Variants in SLC12A1 observed in about 807,000 individuals in gnomAD.
SLC12A1 encodes Na-K-2Cl cotransporter.
SLC12A1 carries 89 observed loss-of-function variants against 130.4 expected under a neutral mutation model. That is an observed-to-expected ratio of 0.68 (90% CI 0.58 to 0.81). The LOEUF (loss-of-function observed/expected upper bound fraction) is 0.81. Ranked by LOEUF, SLC12A1 falls within the 40% of genes least tolerant of loss-of-function variation. The probability of loss-of-function intolerance (pLI) is 0.00; values close to 1 mark genes in which losing one functional copy is unlikely to be tolerated. For missense variants in SLC12A1, 1,310 were observed against 1,336.4 expected, an observed-to-expected ratio of 0.98 and a Z score of 0.31; for synonymous variants, 499 against 460.0, an observed-to-expected ratio of 1.08 and a Z score of -1.09.
At chr15:48,248,584 G>GCATTTGCATCATTGCAT (rs1168430148) in intron 13 of SLC12A1, among the ~76,000 whole-genome samples, 3 of 152,274 alleles carry the variant, frequency 2.0e-5, no homozygotes, top group East Asian at 1.9e-4. Context: ...CCAGCTGCCT[G>GCATTTGCATCATTGCAT]CATTTGCATC....
In SLC12A1 at chr15:48,208,017, AC is replaced by A. The variant is rs1166383672; in HGVS notation, c.299del (p.Thr100IlefsTer13). ...DSHTNTYYLQTFGHNTMDAVP... is the reference protein window; with the variant it reads ...DSHTNTYYLQXFGHNTMDAVP... ...TCACACAAACACATACTATCTACAAACTTTTGGCCACAACACCATGGATGCC... is the reference window on the plus strand; with the variant it reads ...TCACACAAACACATACTATCTACAAATTTTGGCCACAACACCATGGATGCC... On this transcript the variant is annotated frameshift_variant, in exon 2 of 27. Coordinates refer to ENST00000380993, the MANE Select transcript of SLC12A1 (RefSeq NM_000338.3). LOFTEE classifies it high-confidence loss of function. The A allele has an allele frequency of 1.2e-6, 2 of 1,613,772 alleles. No homozygotes were observed. The highest frequency in any genetic ancestry group is 8.5e-7 in the Non-Finnish European group (1 of 1,179,876).
intron 25 of SLC12A1, among the ~76,000 whole-genome samples, chr15:48,299,986 T>G (rs954846560): frequency 1.3e-4 from 20 of 152,218 alleles, no homozygotes; most frequent in African/African-American, 4.8e-4. Flanking sequence ...ACTCAAGCGC[T>G]GCTAATCTCA....
intron 17 of SLC12A1, among the ~76,000 whole-genome samples, chr15:48,261,134 G>A (rs1276871983): frequency 6.6e-6 from 1 of 152,144 alleles, no homozygotes; most frequent in African/African-American, 2.4e-5. Flanking sequence ...ATAGGAGCCA[G>A]TTTTGATGAA....
Position 48,239,515 on chromosome 15 carries a change from AAAAT to A in SLC12A1, c.1216-1969_1216-1966del, listed in dbSNP as rs10530478. On this transcript the variant is annotated intron_variant, in intron 9 of 26. Coordinates refer to ENST00000380993, the MANE Select transcript of SLC12A1 (RefSeq NM_000338.3). ...GGGCAACAGAACAAGAACCCATCTCAAAATAAATAAATAAATAAATAAATAAATA... is the reference window on the plus strand; with the variant it reads ...GGGCAACAGAACAAGAACCCATCTCAAAATAAATAAATAAATAAATAAATA... 3.3e-3 allele frequency among the ~76,000 whole-genome samples: 472 copies of A among 143,716 alleles called. 2 individuals carry two copies. The highest frequency in any genetic ancestry group is 0.011 in the South Asian group (48 of 4,396). The allele number at this position is 143,716 out of a possible 152,430, so 94.3% of individuals were successfully genotyped here. A position where few individuals can be genotyped will look rare whatever the true frequency, so the allele number is the denominator to read the frequency against.
intron 23 of SLC12A1, among the ~76,000 whole-genome samples, chr15:48,290,575 C>T (rs563775889): frequency 1.3e-4 from 20 of 152,188 alleles, no homozygotes; most frequent in East Asian, 1.2e-3. Flanking sequence ...TGTGCTATGC[C>T]GTTACAACAG....
intron 18 of SLC12A1, 137 bp from the exon 19 acceptor site, chr15:48,269,521 A>G: frequency 3.9e-6 from 2 of 506,870 alleles, no homozygotes; most frequent in Non-Finnish European, 3.6e-6. Flanking sequence ...GGCATGAAGG[A>G]CATGCACTAA....
Position 48,267,651 on chromosome 15 carries a change from G to A in SLC12A1, c.2245G>A (p.Ala749Thr). The A allele has an allele frequency of 6.2e-7, 1 of 1,613,612 alleles. No homozygotes were observed. Among genetic ancestry groups the A allele is most frequent in the Non-Finnish European group, 8.5e-7 (1 of 1,179,622 alleles). The change falls in exon 18 of 27, where the codon GCT (alanine) becomes ACT (threonine). Residue 749 changes from alanine (A) to threonine (T), a missense_variant. Physicochemically the swap from Ala to Thr is moderately conservative, Grantham distance 58. Coordinates refer to ENST00000380993, the MANE Select transcript of SLC12A1 (RefSeq NM_000338.3). ...AAAGAACAAAATCAAGGCTTTTTAT[G>A]CTGCAGTGGCGGCAGACTGTTTCAG... ...LIKNKIKAFY[A>T]AVAADCFRDG...
chr15:48,271,648 A>G (rs185462682), intron 19 of SLC12A1, among the ~76,000 whole-genome samples: 3 of 152,336 alleles, frequency 2.0e-5, no homozygotes, highest in African/African-American at 7.2e-5. Flanking sequence ...CAGTCTTTCT[A>G]ATGTGAGGAA....
chr15:48,295,472 C>G (rs561522075), intron 24 of SLC12A1, among the ~76,000 whole-genome samples: 1 of 152,074 alleles, frequency 6.6e-6, no homozygotes, highest in East Asian at 2.0e-4. Context: ...AACCAAGCCT[C>G]TTTATTCTTT....
At chr15:48,273,387 C>A (rs1032388434) in intron 19 of SLC12A1, among the ~76,000 whole-genome samples, 11 of 152,166 alleles carry the variant, frequency 7.2e-5, no homozygotes, top group African/African-American at 2.7e-4. Flanking sequence ...TACTCTTGTC[C>A]CATCCAGGTA....
At chr15:48,276,891 G>A (rs1177262532) in intron 20 of SLC12A1, among the ~76,000 whole-genome samples, 1 of 152,212 alleles carries the variant, frequency 6.6e-6, no homozygotes, top group Non-Finnish European at 1.5e-5. Context: ...TCAAAATGGG[G>A]AGAATAATCA....
intron 19 of SLC12A1, among the ~76,000 whole-genome samples, chr15:48,271,170 C>A (rs1223812102): frequency 6.6e-6 from 1 of 151,946 alleles, no homozygotes; most frequent in Non-Finnish European, 1.5e-5. Context: ...TGAGATTGCG[C>A]CACTGCACTC....
intron 16 of SLC12A1, 119 bp downstream of exon 16, chr15:48,256,029 G>C: frequency 2.9e-6 from 2 of 693,956 alleles, no homozygotes; most frequent in Non-Finnish European, 5.1e-6. Flanking sequence ...AAAATAAGCA[G>C]TCATACAAAA....
intron 13 of SLC12A1, among the ~76,000 whole-genome samples, chr15:48,247,841 T>C (rs1282226106): frequency 6.6e-6 from 1 of 152,208 alleles, no homozygotes; most frequent in Non-Finnish European, 1.5e-5. Context: ...ACCATCTATA[T>C]CGCAATCACC....
At chr15:48,247,292 G>C (rs763101628) in intron 12 of SLC12A1, 45 bp from the exon 13 acceptor site, 2 of 1,583,112 alleles carry the variant, frequency 1.3e-6, no homozygotes, top group East Asian at 2.2e-5. Flanking sequence ...GAAAATGACT[G>C]TGCATAGCTA....
At position 48,274,581 on chromosome 15, in the gene SLC12A1, G is replaced by T; in HGVS notation, c.2413G>T (p.Asp805Tyr). 5 of 1,612,328 alleles carry T rather than the reference G, an allele frequency of 3.1e-6. No individual in the cohort carries two copies. The highest frequency in any genetic ancestry group is 2.7e-5 in the African/African-American group (2 of 75,030). ...TGCTTCCTCTTTCAGTGATGCATTT[G>T]ATTTTGAGATTGGCGTGGTTATAGT... ...NYVGIIHDAF[D>Y]FEIGVVIVRI... The change falls in exon 20 of 27, where the codon GAT becomes TAT. Residue 805 changes from aspartate to tyrosine, a missense_variant. Physicochemically the swap from Asp to Tyr is radical, Grantham distance 160. Coordinates refer to ENST00000380993, the MANE Select transcript of SLC12A1 (RefSeq NM_000338.3).
intron 17 of SLC12A1, among the ~76,000 whole-genome samples, 188 bp downstream of exon 17, chr15:48,259,499 A>G (rs895362970): frequency 6.6e-6 from 1 of 152,228 alleles, no homozygotes; most frequent in African/African-American, 2.4e-5. Context: ...AAACAGGTAG[A>G]TGTAAAGCGT....
At chr15:48,265,422 C>A (rs1194922859) in intron 17 of SLC12A1, among the ~76,000 whole-genome samples, 1 of 152,154 alleles carries the variant, frequency 6.6e-6, no homozygotes, top group Non-Finnish European at 1.5e-5. Context: ...GTTTGTTATT[C>A]TTCTATCTAA....
In SLC12A1 at chr15:48,213,674, T is replaced by A. The variant is rs372901532; in HGVS notation, c.420+5535T>A. Among the ~76,000 whole-genome samples, 9 of 152,016 alleles carry A rather than the reference T, an allele frequency of 5.9e-5. No individual in the cohort carries two copies. In the East Asian group the frequency reaches 1.2e-3, roughly 20 times the overall value. ...GCCCGCCAGCATGCCCGGCTAATTT[T>A]GTTTTGTTTTGTTTTTTGTTTTGTA... On this transcript the variant is annotated intron_variant, in intron 2 of 26. Transcript: ENST00000380993.
Sources: gnomAD v4.1 joint callset for allele counts (sites outside exome capture counted in the v4.1 genomes callset) on GRCh38, gnomAD v4.1.1 for gene constraint, MANE v1.5 for transcripts, NCBI Gene and HGNC (gene_info 2026-07-23, HGNC 2026-07-21) for gene names.